The following DLG2 variants were observed in gnomAD, a reference collection of about 807,000 sequenced individuals.
The protein encoded by DLG2 is discs large MAGUK scaffold protein 2, also known as disks large homolog 2.
In DLG2, 45 loss-of-function variants were observed where a neutral mutation model predicts 132.5. That is an observed-to-expected ratio of 0.34 (90% CI 0.27 to 0.44). The LOEUF is 0.44. Ranked by LOEUF, DLG2 falls within the 20% of genes least tolerant of loss-of-function variation. The pLI, the probability that DLG2 is intolerant of heterozygous loss-of-function variation, is 1.00. For missense variants in DLG2, 1,045 were observed against 1,196.9 expected (o/e 0.87, Z 1.87); for synonymous variants, 424 against 419.6 (o/e 1.01, Z -0.13).
intron 5 of DLG2, among the ~76,000 whole-genome samples, chr11:85,117,182 G>A (rs2073729896): frequency 6.6e-6 from 1 of 151,978 alleles, no homozygotes. Flanking sequence ...GCTGTAAAAT[G>A]TGACGCTAAG....
intron 18 of DLG2, among the ~76,000 whole-genome samples, chr11:83,723,771 A>G (rs2089316550): frequency 6.6e-6 from 1 of 151,084 alleles, no homozygotes; most frequent in African/African-American, 2.4e-5. Context: ...TGAGAGAATC[A>G]CTTGAACCTG....
At chr11:84,558,440 A>T (rs369832154) in intron 6 of DLG2, among the ~76,000 whole-genome samples, 1 of 152,164 alleles carries the variant, frequency 6.6e-6, no homozygotes, top group East Asian at 1.9e-4. Context: ...CATCTTTGCA[A>T]TGTATGTCTC....
intron 22 of DLG2, among the ~76,000 whole-genome samples, chr11:83,476,284 C>G (rs2092610922): frequency 6.6e-6 from 1 of 152,080 alleles, no homozygotes; most frequent in Non-Finnish European, 1.5e-5. Context: ...CACTATTACT[C>G]TCTGTGATCT....
At chr11:83,532,167 C>T (rs1373635687) in intron 21 of DLG2, among the ~76,000 whole-genome samples, 1 of 151,880 alleles carries the variant, frequency 6.6e-6, no homozygotes, top group Non-Finnish European at 1.5e-5. Context: ...TCTTATAAAG[C>T]TATTATTTTA....
At chr11:83,651,857 G>A in intron 18 of DLG2, 1 of 471,138 alleles carries the variant, frequency 2.1e-6, no homozygotes. Flanking sequence ...GAGCTACGAA[G>A]GTCACATTGG....
intron 21 of DLG2, among the ~76,000 whole-genome samples, chr11:83,493,271 T>A (rs2093960306): frequency 6.6e-6 from 1 of 152,112 alleles, no homozygotes; most frequent in South Asian, 2.1e-4. Flanking sequence ...TGAGGCTTTT[T>A]CTGACAGGCC....
At chr11:84,428,567 C>G (rs2098974469) in intron 7 of DLG2, among the ~76,000 whole-genome samples, 1 of 152,184 alleles carries the variant, frequency 6.6e-6, no homozygotes, top group Non-Finnish European at 1.5e-5. Context: ...TCTCTGTGTC[C>G]TCACACAGTG....
chr11:83,909,749 T>C (rs1220371176), intron 15 of DLG2, among the ~76,000 whole-genome samples: 2 of 152,166 alleles, frequency 1.3e-5, no homozygotes, highest in Non-Finnish European at 2.9e-5. Context: ...ATCAAATGAT[T>C]ACTGGTTGAG....
At chr11:85,443,515 A>G (rs1444384659) in intron 3 of DLG2, among the ~76,000 whole-genome samples, 1 of 152,214 alleles carries the variant, frequency 6.6e-6, no homozygotes, top group Non-Finnish European at 1.5e-5. Flanking sequence ...TTTACGTTTG[A>G]AAGTCATTTG....
intron 6 of DLG2, among the ~76,000 whole-genome samples, chr11:84,626,871 T>TTTATTTTATTTTATTTTATTTTATTTTA (rs1565492022): frequency 7.5e-5 from 11 of 145,928 alleles, no homozygotes; most frequent in African/African-American, 2.1e-4. Flanking sequence ...TTTATTTTAT[T>TTTATTTTATTTTATTTTATTTTATTTTA]TTATTTTATT....
chr11:85,174,885 G>A (rs2079113236), intron 4 of DLG2, among the ~76,000 whole-genome samples: 1 of 151,914 alleles, frequency 6.6e-6, no homozygotes, highest in Non-Finnish European at 1.5e-5. Flanking sequence ...ATAAATTCCT[G>A]GACACATACA....
At chr11:85,610,227 G>A (rs1219914996) in intron 2 of DLG2, among the ~76,000 whole-genome samples, 1 of 152,226 alleles carries the variant, frequency 6.6e-6, no homozygotes. Context: ...AAAAGCTCAA[G>A]GCTTAGTAAG....
At chr11:84,548,263 A>G (rs1304537407) in intron 6 of DLG2, among the ~76,000 whole-genome samples, 2 of 152,136 alleles carry the variant, frequency 1.3e-5, no homozygotes, top group Non-Finnish European at 2.9e-5. Flanking sequence ...AGACAACGCT[A>G]AGTATTCTTT....
chr11:85,442,402 G>C (rs1160185518), intron 3 of DLG2, among the ~76,000 whole-genome samples: 6 of 152,174 alleles, frequency 3.9e-5, no homozygotes, highest in African/African-American at 1.4e-4. Context: ...GTTATATTTA[G>C]AGTTAGAGAC....
At chr11:84,287,632 T>C (rs2097923114) in intron 7 of DLG2, among the ~76,000 whole-genome samples, 1 of 151,720 alleles carries the variant, frequency 6.6e-6, no homozygotes, top group African/African-American at 2.4e-5. Context: ...AAGTCTCTGT[T>C]TCTATCTCTC....
chr11:85,302,152 C>T (rs1006732699), intron 3 of DLG2, among the ~76,000 whole-genome samples: 1 of 152,160 alleles, frequency 6.6e-6, no homozygotes, highest in African/African-American at 2.4e-5. Context: ...TTCTGTTCCT[C>T]TTTAGGTAAC....
intron 4 of DLG2, among the ~76,000 whole-genome samples, chr11:85,174,253 G>A (rs1009999232): frequency 6.6e-5 from 10 of 152,036 alleles, no homozygotes; most frequent in African/African-American, 1.7e-4. Context: ...CCTAAGAGGC[G>A]AAATAATAAC....
At chr11:85,157,118 C>A (rs184976647) in intron 4 of DLG2, among the ~76,000 whole-genome samples, 1 of 152,158 alleles carries the variant, frequency 6.6e-6, no homozygotes, top group African/African-American at 2.4e-5. Flanking sequence ...AGCCTCCCAG[C>A]CTACATCCTT....
intron 6 of DLG2, among the ~76,000 whole-genome samples, chr11:84,984,574 G>GAA (rs60711411): frequency 4.0e-5 from 5 of 124,222 alleles, no homozygotes; most frequent in African/African-American, 1.2e-4. Context: ...AAATACAATT[G>GAA]AAAAAAAAAA....
Sources: gnomAD v4.1 joint callset for allele counts (sites outside exome capture counted in the v4.1 genomes callset) on GRCh38, gnomAD v4.1.1 for gene constraint, MANE v1.5 for transcripts, NCBI Gene and HGNC (gene_info 2026-07-23, HGNC 2026-07-21) for gene names.